Variants in STYXL2 observed in about 807,000 individuals in gnomAD.
STYXL2 encodes serine/threonine/tyrosine-interacting-like protein 2.
A neutral mutation model predicts 52.4 loss-of-function variants in STYXL2; 44 were observed. The observed-to-expected ratio is 0.84, with a 90% confidence interval of 0.66 to 1.08. STYXL2 has a LOEUF of 1.08. Among genes scored for constraint, STYXL2 ranks in the 50% least tolerant of loss-of-function variants. The pLI, the probability that STYXL2 is intolerant of heterozygous loss-of-function variation, is 0.00. For synonymous variants in STYXL2, 604 were observed against 586.9 expected (o/e 1.03, Z -0.42); for missense variants, 1,604 against 1,471.7 (o/e 1.09, Z -1.47).
chr1:167,104,174 A>AC (rs527747095), intron 2 of STYXL2, among the ~76,000 whole-genome samples: 83 of 133,790 alleles, frequency 6.2e-4, no homozygotes, highest in Non-Finnish European at 1.2e-3. Context: ...CCGTCCCCCC[A>AC]CCCCCCGTCT....
intron 4 of STYXL2, among the ~76,000 whole-genome samples, chr1:167,118,539 C>A (rs1401264548): frequency 6.6e-6 from 1 of 152,212 alleles, no homozygotes; most frequent in Admixed American, 6.5e-5. Flanking sequence ...GATACAGAAG[C>A]ATTCATCTTA....
At chr1:167,106,786 G>T (rs1226409693) in intron 2 of STYXL2, among the ~76,000 whole-genome samples, 1 of 152,108 alleles carries the variant, frequency 6.6e-6, no homozygotes, top group African/African-American at 2.4e-5. Context: ...TTATTTTGTT[G>T]TTGCTTCCCA....
chr1:167,109,131 T>G (rs1466796074), intron 2 of STYXL2, among the ~76,000 whole-genome samples: 1 of 152,186 alleles, frequency 6.6e-6, no homozygotes, highest in Non-Finnish European at 1.5e-5. Context: ...CTGAACTTTG[T>G]AATAATTTCA....
Position 167,097,725 on chromosome 1 carries a change from T to C in STYXL2, c.110+2766T>C, listed in dbSNP as rs180720354. On this transcript the variant is annotated intron_variant, in intron 2 of 5. Transcript: ENST00000361200. Reference sequence around the variant, plus strand: ...AGAAAGAAAAAGAATAATAAGAAAATAGTAGGATGGTAGATTTAAGCTCAA... The same window carrying C: ...AGAAAGAAAAAGAATAATAAGAAAACAGTAGGATGGTAGATTTAAGCTCAA... Among the ~76,000 whole-genome samples, 670 of 148,526 alleles carry C rather than the reference T, an allele frequency of 4.5e-3. 4 individuals carry two copies. The highest frequency in any genetic ancestry group is 8.1e-3 in the Non-Finnish European group (542 of 66,932).
intron 2 of STYXL2, among the ~76,000 whole-genome samples, chr1:167,112,407 C>T (rs1667638138): frequency 6.6e-6 from 1 of 152,196 alleles, no homozygotes; most frequent in Admixed American, 6.5e-5. Flanking sequence ...ATCAATTCAA[C>T]TTAATTCAAT....
rs775892985 is a variant in STYXL2, at chr1:167,127,472, G to A, written c.2341G>A (p.Gly781Ser). The change falls in exon 6 of 6, where the codon GGC becomes AGC. Residue 781 changes from glycine (G) to serine (S), a missense_variant. Transcript: ENST00000361200. ...LSGHSSSSLG[G>S]CLLPQSQARP... is the part of the protein sequence containing the mutation. ...TGGACACAGCAGCTCCTCCTTGGGTGGCTGCCTGTTGCCTCAGAGCCAGGC... is the reference window on the plus strand; with the variant it reads ...TGGACACAGCAGCTCCTCCTTGGGTAGCTGCCTGTTGCCTCAGAGCCAGGC... 8 of 1,613,994 alleles carry A rather than the reference G, an allele frequency of 5.0e-6. No individual in the cohort carries two copies. The African/African-American group carries it at 1.1e-4, about 22-fold the overall frequency.
chr1:167,118,492 G>A (rs985513397), intron 4 of STYXL2, among the ~76,000 whole-genome samples: 3 of 152,112 alleles, frequency 2.0e-5, no homozygotes, highest in Non-Finnish European at 4.4e-5. Flanking sequence ...CTCAGAGCTG[G>A]GCACCAAGTC....
chr1:167,119,482 C>A lies in STYXL2; in HGVS notation c.655+16C>A. On this transcript the variant is annotated intron_variant, in intron 5 of 5. Transcript: ENST00000361200. ...ACTTACAGAGGTGAGAGGGATCTGCCGCTCCAGGCTGCTGGAATTCCACGG... is the reference window on the plus strand; with the variant it reads ...ACTTACAGAGGTGAGAGGGATCTGCAGCTCCAGGCTGCTGGAATTCCACGG... 1 of 1,608,424 alleles carries A rather than the reference C, an allele frequency of 6.2e-7. No individual in the cohort carries two copies. The highest frequency in any genetic ancestry group is 1.1e-5 in the South Asian group (1 of 90,850).
Position 167,127,932 on chromosome 1 carries a change from G to A in STYXL2, c.2801G>A (p.Ser934Asn), listed in dbSNP as rs1246705761. 6.2e-7 allele frequency: 1 copy of A among 1,614,170 alleles called. No individual in the cohort carries two copies. Among genetic ancestry groups the A allele is most frequent in the South Asian group, 1.1e-5 (1 of 91,084 alleles). The change falls in exon 6 of 6, where the codon AGT becomes AAT. Residue 934 changes from serine to asparagine, a missense_variant. Physicochemically the swap from Ser to Asn is conservative, Grantham distance 46 (BLOSUM62 1). Coordinates refer to ENST00000361200, the MANE Select transcript of STYXL2 (RefSeq NM_001080426.3). ...AGAGTTGGCAAAGAGATGGATAGCA[G>A]TATTAATAAGTGGCTCAGTGGCCTC... ...GSRVGKEMDS[S>N]INKWLSGLRT...
At chr1:167,110,068 G>A (rs1045747315) in intron 2 of STYXL2, among the ~76,000 whole-genome samples, 1 of 152,112 alleles carries the variant, frequency 6.6e-6, no homozygotes, top group Non-Finnish European at 1.5e-5. Context: ...ACACTCCCCA[G>A]TACAAGCCTG....
intron 3 of STYXL2, among the ~76,000 whole-genome samples, 175 bp from the exon 4 acceptor site, chr1:167,117,153 G>T (rs554535850): frequency 6.6e-5 from 10 of 152,302 alleles, no homozygotes; most frequent in South Asian, 6.2e-4. Context: ...AAGTGTTTGG[G>T]CCAGTGCAGC....
chr1:167,101,800 C>A (rs1264086243), intron 2 of STYXL2, among the ~76,000 whole-genome samples: 254 of 141,046 alleles, frequency 1.8e-3, no homozygotes, highest in African/African-American at 2.1e-3. Flanking sequence ...CAGTCCATCT[C>A]AAAAAAGAAA....
intron 2 of STYXL2, among the ~76,000 whole-genome samples, chr1:167,103,948 C>T (rs1571333313): frequency 6.6e-6 from 1 of 152,150 alleles, no homozygotes; most frequent in African/African-American, 2.4e-5. Context: ...GGTGAAACCC[C>T]GTCTCTACTA....
intron 5 of STYXL2, among the ~76,000 whole-genome samples, chr1:167,123,247 G>A (rs1424211748): frequency 1.3e-5 from 2 of 152,172 alleles, no homozygotes; most frequent in Middle Eastern, 3.2e-3. Flanking sequence ...ACATCCCTGA[G>A]TCTCACCCAC....
intron 2 of STYXL2, among the ~76,000 whole-genome samples, chr1:167,105,399 G>C (rs960987345): frequency 1.3e-5 from 2 of 152,144 alleles, no homozygotes; most frequent in African/African-American, 4.8e-5. Flanking sequence ...CTATGATGAG[G>C]TATGTATCGA....
chr1:167,102,793 T>A (rs1264686458), intron 2 of STYXL2, among the ~76,000 whole-genome samples: 1 of 152,238 alleles, frequency 6.6e-6, no homozygotes, highest in African/African-American at 2.4e-5. Flanking sequence ...CTTCTGGTTT[T>A]ATGACTTCAG....
chr1:167,115,300 A>T (rs1002631849), intron 3 of STYXL2, among the ~76,000 whole-genome samples: 1 of 152,130 alleles, frequency 6.6e-6, no homozygotes, highest in Admixed American at 6.5e-5. Context: ...TGTGCTGAAA[A>T]CCTTCCGTTT....
At chr1:167,119,862 A>G (rs1571344174) in intron 5 of STYXL2, among the ~76,000 whole-genome samples, 1 of 152,198 alleles carries the variant, frequency 6.6e-6, no homozygotes, top group African/African-American at 2.4e-5. Flanking sequence ...CCTTCTGACA[A>G]TGGGACATTT....
At chr1:167,094,664 C>T (rs1413911370) in intron 1 of STYXL2, among the ~76,000 whole-genome samples, 170 bp from the exon 2 acceptor site, 3 of 152,176 alleles carry the variant, frequency 2.0e-5, no homozygotes, top group South Asian at 4.1e-4. Context: ...CTTGGTGTCC[C>T]GGTAACAGTG....
Sources: allele counts gnomAD v4.1 joint callset (sites outside exome capture counted in the v4.1 genomes callset), GRCh38; gene constraint gnomAD v4.1.1; transcripts MANE v1.5; gene names NCBI Gene and HGNC (gene_info 2026-07-23, HGNC 2026-07-21).